The following MYO1B variants were observed in gnomAD, a reference collection of about 807,000 sequenced individuals.
The protein encoded by MYO1B is unconventional myosin-Ib.
In MYO1B, 72 loss-of-function variants were observed where a neutral mutation model predicts 159.7. The observed-to-expected ratio is 0.45, with a 90% CI of 0.37 to 0.55. The LOEUF (loss-of-function observed/expected upper bound fraction) is 0.55. Ranked by LOEUF, MYO1B falls within the 20% of genes least tolerant of loss-of-function variation. MYO1B has a pLI of 0.00. For synonymous variants in MYO1B, 468 were observed against 473.8 expected (o/e 0.99, Z 0.16); for missense variants, 1,062 against 1,364.8 (o/e 0.78, Z 3.50).
intron 2 of MYO1B, among the ~76,000 whole-genome samples, chr2:191,284,283 A>C (rs1448918088): frequency 1.3e-5 from 2 of 152,182 alleles, no homozygotes; most frequent in African/African-American, 4.8e-5. Flanking sequence ...AGTGCAGAAA[A>C]ATTTTAATAA....
At chr2:191,362,230 T>C in intron 8 of MYO1B, 38 bp from the exon 9 acceptor site, 1 of 1,509,490 alleles carries the variant, frequency 6.6e-7, no homozygotes, top group Non-Finnish European at 9.2e-7. Flanking sequence ...ATTGGATTTA[T>C]TGAAGCAACT....
intron 2 of MYO1B, among the ~76,000 whole-genome samples, chr2:191,292,381 A>T (rs1688735472): frequency 6.6e-6 from 1 of 152,188 alleles, no homozygotes; most frequent in South Asian, 2.1e-4. Context: ...TTAGGCAGAC[A>T]TGAGACTTCA....
At chr2:191,322,122 CA>C (rs1341276298) in intron 3 of MYO1B, among the ~76,000 whole-genome samples, 4 of 152,166 alleles carry the variant, frequency 2.6e-5, no homozygotes, top group Middle Eastern at 3.2e-3. Context: ...GACCTCTTGC[CA>C]AACCCCAACA....
intron 3 of MYO1B, 64 bp downstream of exon 3, chr2:191,296,290 G>C: frequency 1.6e-5 from 13 of 793,964 alleles, no homozygotes; most frequent in Non-Finnish European, 2.4e-5. Flanking sequence ...TGACAGATGT[G>C]TGCAGCTGTC....
intron 27 of MYO1B, 112 bp downstream of exon 27, chr2:191,411,284 G>A: frequency 1.6e-6 from 1 of 613,262 alleles, no homozygotes; most frequent in Non-Finnish European, 2.9e-6. Flanking sequence ...GTGATTTTTA[G>A]TTCTGTGAAT....
chr2:191,368,301 G>A (rs1287816563), intron 11 of MYO1B, among the ~76,000 whole-genome samples: 1 of 152,166 alleles, frequency 6.6e-6, no homozygotes, highest in Admixed American at 6.5e-5. Flanking sequence ...CTTAGAAGCA[G>A]CAAAATACAC....
intron 3 of MYO1B, among the ~76,000 whole-genome samples, chr2:191,324,613 C>T (rs1438902719): frequency 6.6e-6 from 1 of 152,114 alleles, no homozygotes; most frequent in Non-Finnish European, 1.5e-5. Flanking sequence ...TGCCCATTGT[C>T]ATTTATTTTG....
intron 13 of MYO1B, among the ~76,000 whole-genome samples, chr2:191,374,374 A>C (rs1266322939): frequency 2.0e-5 from 3 of 152,234 alleles, no homozygotes; most frequent in Non-Finnish European, 2.9e-5. Flanking sequence ...TGTAGGAATT[A>C]AGAGTTCTGC....
intron 11 of MYO1B, among the ~76,000 whole-genome samples, chr2:191,368,544 A>G (rs1360482999): frequency 6.6e-6 from 1 of 152,244 alleles, no homozygotes; most frequent in Non-Finnish European, 1.5e-5. Flanking sequence ...TAAGAGTCAT[A>G]GAGATGCATA....
chr2:191,277,169 G>A (rs1238752549), intron 2 of MYO1B, 139 bp downstream of exon 2: 2 of 1,059,736 alleles, frequency 1.9e-6, no homozygotes, highest in Non-Finnish European at 2.7e-6. Flanking sequence ...CTCAGAAAGA[G>A]TTGAGTTTTT....
At chr2:191,308,110 A>G (rs1689763825) in intron 3 of MYO1B, among the ~76,000 whole-genome samples, 1 of 151,910 alleles carries the variant, frequency 6.6e-6, no homozygotes, top group Non-Finnish European at 1.5e-5. Flanking sequence ...AAACATCCCT[A>G]TCCTGATGCT....
At chr2:191,384,956 A>T (rs1488045924) in intron 15 of MYO1B, among the ~76,000 whole-genome samples, 3 of 152,316 alleles carry the variant, frequency 2.0e-5, no homozygotes, top group African/African-American at 7.2e-5. Context: ...ACGCTTCCCC[A>T]GGGTTTTGTG....
intron 3 of MYO1B, among the ~76,000 whole-genome samples, chr2:191,329,580 A>T (rs1293520697): frequency 6.7e-6 from 1 of 148,574 alleles, no homozygotes; most frequent in Non-Finnish European, 1.5e-5. Flanking sequence ...TTTATAAATA[A>T]ATAAATTATT....
chr2:191,344,302 G>C (rs1179765268), intron 5 of MYO1B, among the ~76,000 whole-genome samples: 1 of 152,152 alleles, frequency 6.6e-6, no homozygotes, highest in Non-Finnish European at 1.5e-5. Flanking sequence ...ACTGGTGGTG[G>C]ACATGAGATA....
intron 27 of MYO1B, among the ~76,000 whole-genome samples, chr2:191,411,547 C>T (rs555735489): frequency 6.6e-6 from 1 of 152,130 alleles, no homozygotes; most frequent in East Asian, 1.9e-4. Context: ...CTTTAATCAC[C>T]ATTCCAGTCT....
chr2:191,294,462 A>G (rs1688863962), intron 2 of MYO1B, among the ~76,000 whole-genome samples: 2 of 152,228 alleles, frequency 1.3e-5, no homozygotes, highest in African/African-American at 4.8e-5. Flanking sequence ...TACCAAGGCT[A>G]CTAATTCTAA....
At chr2:191,306,999 G>A (rs970030822) in intron 3 of MYO1B, among the ~76,000 whole-genome samples, 1 of 152,174 alleles carries the variant, frequency 6.6e-6, no homozygotes, top group Admixed American at 6.5e-5. Flanking sequence ...AGAGTTCTTG[G>A]ATCTTGTGCA....
At position 191,363,741 on chromosome 2, in the gene MYO1B, T is replaced by C. The variant is rs1693825421; in HGVS notation, c.779T>C (p.Ile260Thr). The change falls in exon 10 of 31, where the codon ATT becomes ACT. Residue 260 changes from isoleucine to threonine, a missense_variant. By Grantham distance (89) the Ile-to-Thr change is moderately conservative. Transcript: ENST00000392318. ...NFRTVRNAMQIVGFMDHEAES... is the reference protein window; with the variant it reads ...NFRTVRNAMQTVGFMDHEAES... ...TTCTCTCCCCAGAATGCCATGCAGA[T>C]TGTGGGCTTTATGGATCATGAAGCT... 10 of 1,611,412 alleles carry C rather than the reference T, an allele frequency of 6.2e-6. No homozygotes were observed. Among genetic ancestry groups the C allele is most frequent in the Non-Finnish European group, 6.8e-6 (8 of 1,179,252 alleles).
chr2:191,390,317 G>A lies in MYO1B; in HGVS notation c.1807G>A (p.Ala603Thr), dbSNP rs1192872402. ...GTGTATCAAACCGAATGATAAAAAAGCAGCACACATCTTCAACGAGGCTCT... is the reference window on the plus strand; with the variant it reads ...GTGTATCAAACCGAATGATAAAAAAACAGCACACATCTTCAACGAGGCTCT... ...IRCIKPNDKK[A>T]AHIFNEALVC... Residue 603 changes from alanine (A) to threonine (T), a missense_variant, in exon 18 of 31, where the codon GCA becomes ACA. Around this residue, in one of 5 missense-constraint regions of MYO1B, gnomAD observed 609 missense variants for 744.4 expected, o/e 0.82. Coordinates refer to ENST00000392318, the MANE Select transcript of MYO1B (RefSeq NM_001130158.3). 2.5e-6 allele frequency: 4 copies of A among 1,613,558 alleles called. No homozygotes were observed. In the Admixed American group the frequency reaches 5.0e-5, roughly 20 times the overall value.
Sources: allele counts gnomAD v4.1 joint callset (sites outside exome capture counted in the v4.1 genomes callset), GRCh38; gene constraint gnomAD v4.1.1; regional missense constraint gnomAD v4.1.1; transcripts MANE v1.5; gene names NCBI Gene and HGNC (gene_info 2026-07-23, HGNC 2026-07-21).